Variants in ZNF385B observed in about 807,000 individuals in gnomAD.
The protein encoded by ZNF385B is zinc finger protein 385B.
A neutral mutation model predicts 39.2 loss-of-function variants in ZNF385B; 23 were observed. The observed-to-expected ratio is 0.59, with a 90% CI of 0.42 to 0.83. The LOEUF (loss-of-function observed/expected upper bound fraction) is 0.83. Ranked by LOEUF, ZNF385B falls within the 40% of genes least tolerant of loss-of-function variation. ZNF385B has a pLI of 0.00. For missense variants in ZNF385B, 552 were observed against 598.9 expected (o/e 0.92, Z 0.82); for synonymous variants, 205 against 222.6 (o/e 0.92, Z 0.70).
In ZNF385B at chr2:179,724,841, T is replaced by C. The variant is rs566480415; in HGVS notation, c.298+44662A>G. Among the ~76,000 whole-genome samples, 17 of 152,302 alleles carry C rather than the reference T, an allele frequency of 1.1e-4. No individual in the cohort carries two copies. In the East Asian group the frequency reaches 3.3e-3, roughly 29 times the overall value. On this transcript the variant is annotated intron_variant, in intron 3 of 9. Transcript: ENST00000410066. ...AGGGAGGATGGGAATGTGTCTGTCA[T>C]CCTTGATGCATACAATAGTGTCTGC...
intron 1 of ZNF385B, among the ~76,000 whole-genome samples, chr2:179,836,518 T>TC (rs1271729762): frequency 7.0e-6 from 1 of 142,742 alleles, no homozygotes; most frequent in East Asian, 1.9e-4. Context: ...GTTTTCTTTT[T>TC]TTTTTTTTTT....
At chr2:179,598,272 G>A (rs574046214) in intron 3 of ZNF385B, among the ~76,000 whole-genome samples, 2 of 152,166 alleles carry the variant, frequency 1.3e-5, no homozygotes, top group East Asian at 1.9e-4. Flanking sequence ...CTCCCCTGCC[G>A]TGTTTGTTTG....
chr2:179,442,761 A>T lies in ZNF385B; in HGVS notation c.*489T>A, dbSNP rs2049077289. 1 of 214,546 alleles carries T rather than the reference A, an allele frequency of 4.7e-6. No homozygotes were observed. The highest frequency in any genetic ancestry group is 9.4e-6 in the Non-Finnish European group (1 of 106,086). 13.3% of individuals were successfully genotyped at this position (214,546 alleles called of 1,614,324 possible). Reference sequence around the variant, plus strand: ...CTTTGTGATCCGTTGGTAAGATAGTATCCACAAGTAAGCACTTGTGTTCAC... The same window carrying T: ...CTTTGTGATCCGTTGGTAAGATAGTTTCCACAAGTAAGCACTTGTGTTCAC... On this transcript the variant is annotated 3_prime_UTR_variant, in exon 10 of 10. Coordinates refer to ENST00000410066, the MANE Select transcript of ZNF385B (RefSeq NM_152520.6).
At chr2:179,546,110 C>CTG (rs1427726944) in intron 3 of ZNF385B, among the ~76,000 whole-genome samples, 1 of 152,146 alleles carries the variant, frequency 6.6e-6, no homozygotes, top group Non-Finnish European at 1.5e-5. Context: ...TCATGGTTCA[C>CTG]TGTAGCCCCG....
intron 3 of ZNF385B, among the ~76,000 whole-genome samples, chr2:179,657,933 G>A (rs745501224): frequency 2.0e-5 from 3 of 152,156 alleles, no homozygotes; most frequent in Admixed American, 6.5e-5. Context: ...ATCATCTCAA[G>A]CTCATGCTTT....
intron 3 of ZNF385B, among the ~76,000 whole-genome samples, chr2:179,623,027 A>C (rs1690347477): frequency 6.6e-6 from 1 of 152,190 alleles, no homozygotes; most frequent in Admixed American, 6.5e-5. Flanking sequence ...CAAAAGAATA[A>C]ATTTAATGTC....
chr2:179,590,378 A>G (rs575707886), intron 3 of ZNF385B, among the ~76,000 whole-genome samples: 20 of 152,316 alleles, frequency 1.3e-4, no homozygotes, highest in African/African-American at 4.8e-4. Flanking sequence ...ATGCCTGGCA[A>G]CTGGTACTTC....
chr2:179,618,935 G>A (rs1689983049), intron 3 of ZNF385B, among the ~76,000 whole-genome samples: 1 of 152,092 alleles, frequency 6.6e-6, no homozygotes, highest in South Asian at 2.1e-4. Context: ...AAGTGTAGTG[G>A]CTTTTGTTTT....
chr2:179,498,860 C>CA (rs1186909186), intron 5 of ZNF385B, among the ~76,000 whole-genome samples: 7 of 150,762 alleles, frequency 4.6e-5, no homozygotes, highest in East Asian at 1.9e-4. Flanking sequence ...AAAACCAATA[C>CA]AAAAAAAATC....
intron 3 of ZNF385B, among the ~76,000 whole-genome samples, chr2:179,662,993 A>T (rs1267791067): frequency 6.6e-6 from 1 of 151,998 alleles, no homozygotes; most frequent in Non-Finnish European, 1.5e-5. Flanking sequence ...TCCTTACTTG[A>T]TGGTTAAAAG....
intron 3 of ZNF385B, among the ~76,000 whole-genome samples, chr2:179,588,439 A>G (rs1186368730): frequency 6.6e-6 from 1 of 152,094 alleles, no homozygotes; most frequent in African/African-American, 2.4e-5. Flanking sequence ...ATGAATAGGG[A>G]AGATTATTTT....
intron 3 of ZNF385B, among the ~76,000 whole-genome samples, chr2:179,561,465 T>A (rs1381353646): frequency 6.6e-6 from 1 of 152,126 alleles, no homozygotes; most frequent in Non-Finnish European, 1.5e-5. Flanking sequence ...AACCCATGAA[T>A]AAGATAGAAT....
intron 3 of ZNF385B, among the ~76,000 whole-genome samples, chr2:179,629,066 A>C (rs1254759572): frequency 6.6e-6 from 1 of 152,120 alleles, no homozygotes; most frequent in Non-Finnish European, 1.5e-5. Context: ...TTTTGACATG[A>C]CCCCAGTATT....
chr2:179,699,508 T>G (rs2106360806), intron 3 of ZNF385B, among the ~76,000 whole-genome samples: 1 of 152,316 alleles, frequency 6.6e-6, no homozygotes, highest in South Asian at 2.1e-4. Context: ...ATATTTTGGG[T>G]TTTTCACTAC....
chr2:179,449,021 T>G (rs766150386), intron 6 of ZNF385B, among the ~76,000 whole-genome samples: 16 of 152,324 alleles, frequency 1.1e-4, no homozygotes, highest in Middle Eastern at 3.4e-3. Flanking sequence ...TTCCTTTTCA[T>G]ATCTTGTTTT....
intron 1 of ZNF385B, among the ~76,000 whole-genome samples, chr2:179,840,314 A>G (rs1363496496): frequency 2.6e-5 from 4 of 152,222 alleles, no homozygotes; most frequent in Non-Finnish European, 5.9e-5. Flanking sequence ...CCTAAGTTCT[A>G]TATATCCATA....
At chr2:179,627,878 T>C (rs930089872) in intron 3 of ZNF385B, among the ~76,000 whole-genome samples, 1 of 152,208 alleles carries the variant, frequency 6.6e-6, no homozygotes, top group Non-Finnish European at 1.5e-5. Flanking sequence ...GCTTCCCACA[T>C]TTACTTTCTA....
At chr2:179,797,789 G>C (rs1287235796) in intron 1 of ZNF385B, among the ~76,000 whole-genome samples, 2 of 152,072 alleles carry the variant, frequency 1.3e-5, no homozygotes, top group East Asian at 3.9e-4. Context: ...TAAGTTATGG[G>C]ACTTCATCAG....
At chr2:179,545,759 C>T (rs2060193222) in intron 3 of ZNF385B, among the ~76,000 whole-genome samples, 1 of 152,070 alleles carries the variant, frequency 6.6e-6, no homozygotes, top group African/African-American at 2.4e-5. Context: ...TTTGTTTTAA[C>T]TTTTGTGGGC....
Sources: allele counts gnomAD v4.1 joint callset (sites outside exome capture counted in the v4.1 genomes callset), GRCh38; gene constraint gnomAD v4.1.1; transcripts MANE v1.5; gene names NCBI Gene and HGNC (gene_info 2026-07-23, HGNC 2026-07-21).